CSMD1: variants seen among roughly 807,000 people sequenced by gnomAD.
The protein encoded by CSMD1 is CUB and sushi domain-containing protein 1.
In CSMD1, 213 loss-of-function variants were observed where a neutral mutation model predicts 417.5. The observed-to-expected ratio is 0.51, with a 90% CI of 0.46 to 0.57. CSMD1 has a LOEUF of 0.57. Ranked by LOEUF, CSMD1 falls within the 20% of genes least tolerant of loss-of-function variation. The pLI is 0.00. For synonymous variants in CSMD1, 2,862 were observed against 1,736.8 expected (o/e 1.65, Z -16.11); for missense variants, 6,923 against 4,529.7 (o/e 1.53, Z -15.17).
At chr8:4,295,977 CAAACAA>C (rs1797659576) in intron 3 of CSMD1, among the ~76,000 whole-genome samples, 1 of 151,522 alleles carries the variant, frequency 6.6e-6, no homozygotes, top group African/African-American at 2.4e-5. Flanking sequence ...CTGAAAAAAA[CAAACAA>C]AAACAAAAAC....
intron 7 of CSMD1, among the ~76,000 whole-genome samples, chr8:3,632,764 T>A (rs1796847695): frequency 6.6e-6 from 1 of 152,212 alleles, no homozygotes; most frequent in Non-Finnish European, 1.5e-5. Flanking sequence ...GCTGCCCTTG[T>A]TTTGTTTTTG....
intron 11 of CSMD1, among the ~76,000 whole-genome samples, chr8:3,482,972 G>C (rs183168981): frequency 2.0e-4 from 31 of 152,184 alleles, no homozygotes; most frequent in African/African-American, 7.2e-4. Context: ...GTGGGAAGCA[G>C]ATAAAACAGT....
At chr8:3,389,906 G>C (rs141081532) in intron 17 of CSMD1, among the ~76,000 whole-genome samples, 1 of 152,126 alleles carries the variant, frequency 6.6e-6, no homozygotes. Flanking sequence ...GAAATATGCA[G>C]ACATTGTTCT....
intron 3 of CSMD1, among the ~76,000 whole-genome samples, chr8:4,150,682 G>C (rs968531515): frequency 1.3e-5 from 2 of 152,150 alleles, no homozygotes; most frequent in East Asian, 3.8e-4. Context: ...GGAGTGTTTA[G>C]CATTTGGTTT....
At chr8:3,760,822 G>C (rs776846560) in intron 5 of CSMD1, among the ~76,000 whole-genome samples, 4 of 152,210 alleles carry the variant, frequency 2.6e-5, no homozygotes, top group East Asian at 1.9e-4. Context: ...TCAGAAGCCA[G>C]AAAGCATTAC....
At chr8:3,255,471 G>A (rs1039085204) in intron 26 of CSMD1, among the ~76,000 whole-genome samples, 1 of 152,232 alleles carries the variant, frequency 6.6e-6, no homozygotes, top group Admixed American at 6.5e-5. Flanking sequence ...CAGAGGTGGA[G>A]CCTACAGAGG....
chr8:3,986,146 G>A (rs532765227), intron 5 of CSMD1, among the ~76,000 whole-genome samples: 41 of 152,084 alleles, frequency 2.7e-4, no homozygotes, highest in Non-Finnish European at 2.9e-5. Context: ...TGACTTGAAG[G>A]CATCACCTTA....
At chr8:3,202,946 A>T (rs1245968365) in intron 31 of CSMD1, among the ~76,000 whole-genome samples, 1 of 152,142 alleles carries the variant, frequency 6.6e-6, no homozygotes, top group Non-Finnish European at 1.5e-5. Context: ...TTAGAGAGGG[A>T]GAGGACTTAA....
chr8:4,036,956 GGT>G (rs57139782), intron 3 of CSMD1, among the ~76,000 whole-genome samples: 12,681 of 145,842 alleles, frequency 0.087, 593 homozygotes, highest in Non-Finnish European at 0.11. Flanking sequence ...GTGAGTGTGG[GGT>G]GTGTGTGTGT....
At chr8:3,491,016 A>G (rs1818342553) in intron 11 of CSMD1, among the ~76,000 whole-genome samples, 1 of 152,224 alleles carries the variant, frequency 6.6e-6, no homozygotes, top group African/African-American at 2.4e-5. Context: ...ATGTAAATGA[A>G]GATGCCTCTT....
chr8:3,515,307 C>T (rs573801910), intron 10 of CSMD1: 1 of 152,288 alleles, frequency 6.6e-6, no homozygotes, highest in Admixed American at 6.5e-5. Context: ...GATATCTGAG[C>T]TGATGCTGGC....
At chr8:3,915,124 G>C (rs1439565659) in intron 5 of CSMD1, among the ~76,000 whole-genome samples, 1 of 152,108 alleles carries the variant, frequency 6.6e-6, no homozygotes, top group African/African-American at 2.4e-5. Context: ...TTAGGTAGCA[G>C]GTTGGGAGTA....
At chr8:4,469,166 A>T (rs889309861) in intron 2 of CSMD1, among the ~76,000 whole-genome samples, 1 of 152,172 alleles carries the variant, frequency 6.6e-6, no homozygotes, top group Non-Finnish European at 1.5e-5. Flanking sequence ...TTACTTAAAG[A>T]CAAATACACA....
rs113477596 is a variant in CSMD1, at chr8:4,142,492, G to C, written c.416-110393C>G. Reference sequence around the variant, plus strand: ...ACCTTGTTATTTGCTAAATTCACAAGCTCGTGAAAAAGGAGCTGTTCTAGA... The same window carrying C: ...ACCTTGTTATTTGCTAAATTCACAACCTCGTGAAAAAGGAGCTGTTCTAGA... On this transcript the variant is annotated intron_variant, in intron 3 of 69. Coordinates refer to ENST00000635120, the MANE Select transcript of CSMD1 (RefSeq NM_033225.6). 5.7e-4 allele frequency among the ~76,000 whole-genome samples: 86 copies of C among 151,312 alleles called. 10 individuals carry two copies. Among genetic ancestry groups the C allele is most frequent in the African/African-American group, 2.0e-3 (82 of 40,628 alleles).
chr8:3,946,980 A>G (rs1338151234), intron 5 of CSMD1, among the ~76,000 whole-genome samples: 2 of 152,190 alleles, frequency 1.3e-5, no homozygotes, highest in African/African-American at 2.4e-5. Context: ...ATCACATCAT[A>G]TAAATAAATA....
chr8:4,901,007 G>C (rs1031878936), intron 1 of CSMD1, among the ~76,000 whole-genome samples: 2 of 152,168 alleles, frequency 1.3e-5, no homozygotes, highest in African/African-American at 4.8e-5. Context: ...CATACTATTT[G>C]AAAGTAAAGA....
At chr8:4,946,514 C>A (rs542489582) in intron 1 of CSMD1, among the ~76,000 whole-genome samples, 1 of 152,102 alleles carries the variant, frequency 6.6e-6, no homozygotes, top group South Asian at 2.1e-4. Flanking sequence ...AGCCATCCCC[C>A]CAGCTGCCTC....
intron 7 of CSMD1, among the ~76,000 whole-genome samples, chr8:3,667,671 T>C (rs994144657): frequency 6.6e-6 from 1 of 152,198 alleles, no homozygotes; most frequent in African/African-American, 2.4e-5. Context: ...TGAAGAGCAG[T>C]TGTCCACGCA....
intron 1 of CSMD1, among the ~76,000 whole-genome samples, chr8:4,905,141 A>C (rs1033698071): frequency 3.3e-5 from 5 of 152,162 alleles, no homozygotes; most frequent in Admixed American, 2.6e-4. Context: ...TGTCATAAGG[A>C]ATGAAATCCT....
Sources: gnomAD v4.1 joint callset for allele counts (sites outside exome capture counted in the v4.1 genomes callset) on GRCh38, gnomAD v4.1.1 for gene constraint, MANE v1.5 for transcripts, NCBI Gene and HGNC (gene_info 2026-07-23, HGNC 2026-07-21) for gene names.